The following ADSL variants were observed in gnomAD, a reference collection of about 807,000 sequenced individuals.
ADSL encodes the protein adenylosuccinate lyase.
Under a neutral mutation model 62.1 loss-of-function variants are expected in ADSL, and 44 were observed. The observed-to-expected ratio is 0.71, with a 90% confidence interval of 0.56 to 0.91. The LOEUF (loss-of-function observed/expected upper bound fraction) is 0.91. ADSL is among the 40% of genes least tolerant of loss of function. ADSL has a pLI of 0.00. For synonymous variants in ADSL, 198 were observed against 220.5 expected, an observed-to-expected ratio of 0.90 and a Z score of 0.90; for missense variants, 531 against 627.4, an observed-to-expected ratio of 0.85 and a Z score of 1.64.
rs574462560 is a variant in ADSL at position 40,350,362 on chromosome 22, G to A, written c.357+327G>A. On this transcript the variant is annotated intron_variant, in intron 2 of 12. Coordinates refer to ENST00000623063, the MANE Select transcript of ADSL (RefSeq NM_000026.4). ...AGGATGGTCTCTATCTCCTGACCTC[G>A]TGATCCACCCCCCTCAGCCTCCCAA... The A allele has an allele frequency of 3.2e-5, 9 of 277,780 alleles. No individual in the cohort carries two copies. In the East Asian group the frequency reaches 5.0e-4, roughly 15 times the overall value. The allele number at this position is 277,780 out of a possible 1,614,324, so 17.2% of individuals were successfully genotyped here. A position where few individuals can be genotyped will look rare whatever the true frequency, so the allele number is the denominator to read the frequency against.
chr22:40,350,133 CTTT>C (rs373063501), intron 2 of ADSL, 98 bp downstream of exon 2: 562 of 886,084 alleles, frequency 6.3e-4, no homozygotes, highest in Non-Finnish European at 7.3e-4. Context: ...CACTATAGAT[CTTT>C]TTTTTTTTTT....
rs774435749 is a variant in ADSL, at chr22:40,346,693, G to A, written c.135G>A (p.Trp45Ter). The change falls in exon 1 of 13, where the codon TGG (tryptophan) becomes TGA (stop). Residue 45 changes from tryptophan (W) to a stop codon, truncating the protein, a stop_gained. Coordinates refer to ENST00000623063, the MANE Select transcript of ADSL (RefSeq NM_000026.4). LOFTEE classifies it high-confidence loss of function. Reference protein sequence around the residue: ...KFRTWRQLWLWLAEAEQTLGL... With the variant: ...KFRTWRQLWL ...GGACATGGCGGCAGCTGTGGCTGTG[G>A]CTGGCGGAGGCCGAGCAGGTAACGG... The A allele has an allele frequency of 1.2e-6, 2 of 1,609,174 alleles. No individual in the cohort carries two copies. The highest frequency in any genetic ancestry group is 1.3e-5 in the African/African-American group (1 of 75,028).
At position 40,364,296 on chromosome 22, in the gene ADSL, G is replaced by C; in HGVS notation, c.1122G>C (p.Arg374=). Reference sequence around the variant, plus strand: ...TATAGGTAATTGAACGGCGCATTCGGCAAGAGCTGCCTTTCATGGCCACAG... The same window carrying C: ...TATAGGTAATTGAACGGCGCATTCGCCAAGAGCTGCCTTTCATGGCCACAG... ...VYPKVIERRI[R]QELPFMATEN... Residue 374 remains arginine, a synonymous_variant, in exon 11 of 13, where the codon CGG becomes CGC. Transcript: ENST00000623063. 6.2e-7 allele frequency: 1 copy of C among 1,613,930 alleles called. No individual in the cohort carries two copies. The highest frequency in any genetic ancestry group is 8.5e-7 in the Non-Finnish European group (1 of 1,179,998).
chr22:40,386,562 CTTTT>C (rs60319316), intron 2 of ADSL, among the ~76,000 whole-genome samples: 9 of 68,366 alleles, frequency 1.3e-4, no homozygotes, highest in African/African-American at 2.3e-4. Flanking sequence ...AATTTTCTTA[CTTTT>C]TTTTTTTTTT....
intron 2 of ADSL, among the ~76,000 whole-genome samples, chr22:40,384,738 G>GC (rs2048160905): frequency 6.6e-6 from 1 of 152,110 alleles, no homozygotes; most frequent in East Asian, 1.9e-4. Flanking sequence ...CTGAGATAGC[G>GC]CCATTGCACT....
intron 9 of ADSL, among the ~76,000 whole-genome samples, chr22:40,362,538 T>C (rs1294691355): frequency 3.3e-5 from 5 of 152,146 alleles, no homozygotes; most frequent in Non-Finnish European, 5.9e-5. Flanking sequence ...GCAGTGGCCA[T>C]GTAAATGGAG....
chr22:40,384,597 G>A (rs567574493), intron 2 of ADSL, among the ~76,000 whole-genome samples: 3 of 152,034 alleles, frequency 2.0e-5, no homozygotes, highest in Non-Finnish European at 2.9e-5. Context: ...TGGCTAACAC[G>A]GTGAAACCCT....
chr22:40,380,546 T>TAATAGAGA (rs1014891675), intron 2 of ADSL, among the ~76,000 whole-genome samples: 9 of 152,038 alleles, frequency 5.9e-5, no homozygotes, highest in African/African-American at 2.2e-4. Flanking sequence ...CTTGTATTTC[T>TAATAGAGA]AATAGAGATG....
At chr22:40,382,660 C>T (rs925302240) in intron 2 of ADSL, among the ~76,000 whole-genome samples, 8 of 152,116 alleles carry the variant, frequency 5.3e-5, no homozygotes, top group African/African-American at 7.2e-5. Context: ...CCTGGGTTCA[C>T]GGGGAGTGGA....
intron 11 of ADSL, 110 bp downstream of exon 11, chr22:40,364,475 A>AAG: frequency 1.1e-6 from 1 of 946,432 alleles, no homozygotes; most frequent in Non-Finnish European, 1.7e-6. Flanking sequence ...CTTCAGTCAC[A>AAG]GTAATGGTAC....
At chr22:40,379,520 T>C (rs2047212467) in intron 2 of ADSL, 1 of 152,280 alleles carries the variant, frequency 6.6e-6, no homozygotes, top group African/African-American at 2.4e-5. Context: ...GACTGACTGT[T>C]GGATTGTTTA....
chr22:40,370,328 C>T (rs2045175737), downstream of ADSL, among the ~76,000 whole-genome samples: 1 of 146,634 alleles, frequency 6.8e-6, no homozygotes, highest in South Asian at 2.1e-4. Context: ...GCACTTCAGC[C>T]TGGGTGACAG....
chr22:40,359,118 G>A, intron 5 of ADSL, 83 bp downstream of exon 5: 2 of 1,597,172 alleles, frequency 1.3e-6, no homozygotes, highest in African/African-American at 2.7e-5. Context: ...TGATAGGAGA[G>A]ATTGACTGTG....
intron 10 of ADSL, 29 bp from the exon 11 acceptor site, chr22:40,364,247 T>C (rs775383920): frequency 8.7e-6 from 14 of 1,604,914 alleles, no homozygotes; most frequent in Non-Finnish European, 1.1e-5. Context: ...GGCACCTTTC[T>C]TGGTCATTCA....
At position 40,383,424 on chromosome 22, in the gene ADSL, G is replaced by A. The variant is rs139617957; in HGVS notation, c.90-6806G>A. Among the ~76,000 whole-genome samples, 346 of 148,794 alleles carry A rather than the reference G, an allele frequency of 2.3e-3. 1 individual carries two copies. The highest frequency in any genetic ancestry group is 4.0e-3 in the Non-Finnish European group (271 of 67,628). On this transcript the variant is annotated intron_variant, in intron 2 of 2. Coordinates refer to the ADSL transcript ENST00000498234. ...GGAGCTCGCAGTGAGCCGAGATCAC[G>A]CCACTGCACTCCACCCTTGGCGACA...
chr22:40,370,821 A>T (rs531420199), downstream of ADSL: 1 of 152,128 alleles, frequency 6.6e-6, no homozygotes, highest in Non-Finnish European at 1.5e-5. Context: ...CGAGAGAAGC[A>T]CCGCCTCGGG....
chr22:40,378,862 T>C (rs1231536739), intron 2 of ADSL, among the ~76,000 whole-genome samples: 1 of 152,210 alleles, frequency 6.6e-6, no homozygotes, highest in Admixed American at 6.5e-5. Context: ...CTAGAGTTCT[T>C]TTTAGAAGAT....
chr22:40,359,434 T>C, intron 6 of ADSL, 128 bp downstream of exon 6: 2 of 832,694 alleles, frequency 2.4e-6, no homozygotes, highest in Non-Finnish European at 4.1e-6. Flanking sequence ...TTTTTTTTTT[T>C]CCTGTCTCTA....
At chr22:40,373,819 T>C (rs189619559), downstream of ADSL, among the ~76,000 whole-genome samples, 23 of 152,316 alleles carry the variant, frequency 1.5e-4, no homozygotes, top group African/African-American at 5.5e-4. Flanking sequence ...TTTCACCATG[T>C]TGGCCAGGAT....
Sources: allele counts gnomAD v4.1 joint callset (sites outside exome capture counted in the v4.1 genomes callset), GRCh38; gene constraint gnomAD v4.1.1; transcripts MANE v1.5; gene names NCBI Gene and HGNC (gene_info 2026-07-23, HGNC 2026-07-21).